The following ST7 variants were observed in gnomAD, a reference collection of about 807,000 sequenced individuals.
The protein encoded by ST7 is suppressor of tumorigenicity 7 protein.
ST7 carries 28 observed loss-of-function variants against 78.7 expected under a neutral mutation model. The observed-to-expected ratio is 0.36, with a 90% CI of 0.26 to 0.49. The LOEUF is 0.49. ST7 is among the 20% of genes least tolerant of loss of function. ST7 has a pLI of 0.99. For synonymous variants in ST7, 247 were observed against 249.6 expected (o/e 0.99, Z 0.10); for missense variants, 418 against 696.0 (o/e 0.60, Z 4.49).
At chr7:116,972,764 C>T (rs1426868834) in intron 1 of ST7, 2 of 928,484 alleles carry the variant, frequency 2.2e-6, no homozygotes, top group Non-Finnish European at 3.6e-6. Flanking sequence ...TTCAAGGAGG[C>T]CACCTCAGCC....
intron 1 of ST7, chr7:116,967,172 C>T (rs1418691525): frequency 8.7e-5 from 20 of 228,938 alleles, no homozygotes; most frequent in South Asian, 1.6e-4. Context: ...ACCTGGGTTT[C>T]TCAAGCAATG....
chr7:117,119,537 AAC>A, intron 2 of ST7, 22 bp from the exon 3 acceptor site: 3 of 1,602,076 alleles, frequency 1.9e-6, no homozygotes, highest in Non-Finnish European at 2.6e-6. Flanking sequence ...AGTGACCATA[AAC>A]ACGCTTATTT....
chr7:117,166,717 A>G (rs557482466), intron 9 of ST7, among the ~76,000 whole-genome samples: 41 of 152,004 alleles, frequency 2.7e-4, no homozygotes, highest in Non-Finnish European at 5.6e-4. Context: ...GTGAAACCCC[A>G]TCTCTACTAA....
chr7:117,055,730 T>C (rs1798029544), intron 1 of ST7, among the ~76,000 whole-genome samples: 1 of 152,250 alleles, frequency 6.6e-6, no homozygotes, highest in Non-Finnish European at 1.5e-5. Context: ...TCCCCCTTTC[T>C]GGTACTATTG....
chr7:117,159,701 G>T (rs900983639), intron 9 of ST7, among the ~76,000 whole-genome samples: 1 of 152,104 alleles, frequency 6.6e-6, no homozygotes, highest in African/African-American at 2.4e-5. Flanking sequence ...ATCGAGTTAT[G>T]TTCTATTGTG....
At chr7:117,050,214 CA>C (rs201920808) in intron 1 of ST7, among the ~76,000 whole-genome samples, 382 of 111,818 alleles carry the variant, frequency 3.4e-3, no homozygotes, top group Middle Eastern at 4.8e-3. Flanking sequence ...GACTCCGTCT[CA>C]AAAAAAAAAA....
intron 1 of ST7, among the ~76,000 whole-genome samples, chr7:117,013,829 C>T (rs953225348): frequency 5.1e-4 from 78 of 151,792 alleles, no homozygotes; most frequent in African/African-American, 1.7e-3. Flanking sequence ...TGAGACTCCG[C>T]CAAAAATAAA....
chr7:116,971,407 C>T (rs528261269), intron 1 of ST7, among the ~76,000 whole-genome samples: 1 of 151,956 alleles, frequency 6.6e-6, no homozygotes, highest in South Asian at 2.1e-4. Context: ...AAGTGGTCAC[C>T]TCAACATAAG....
chr7:117,214,039 A>T (rs1037289183), intron 13 of ST7, among the ~76,000 whole-genome samples: 1 of 152,056 alleles, frequency 6.6e-6, no homozygotes, highest in African/African-American at 2.4e-5. Flanking sequence ...TTTAAATGGC[A>T]CATTTTCTGT....
At chr7:117,020,337 C>A (rs1251132514) in intron 1 of ST7, 1 of 466,196 alleles carries the variant, frequency 2.1e-6, no homozygotes, top group Non-Finnish European at 3.8e-6. Flanking sequence ...CGTCGGCCTT[C>A]ATTTGCCTAG....
At chr7:117,108,297 C>A (rs955807124) in intron 2 of ST7, among the ~76,000 whole-genome samples, 1 of 152,084 alleles carries the variant, frequency 6.6e-6, no homozygotes, top group African/African-American at 2.4e-5. Flanking sequence ...TAGTTTCATT[C>A]TTACTCATGT....
chr7:116,984,629 G>A (rs1224694515), intron 1 of ST7, among the ~76,000 whole-genome samples: 1 of 152,080 alleles, frequency 6.6e-6, no homozygotes, highest in Non-Finnish European at 1.5e-5. Flanking sequence ...TAATACGTGA[G>A]GGTCAGTTTT....
intron 1 of ST7, among the ~76,000 whole-genome samples, chr7:117,004,097 A>T (rs1584429409): frequency 6.6e-6 from 1 of 152,322 alleles, no homozygotes; most frequent in East Asian, 1.9e-4. Context: ...ATTGATATGG[A>T]TGAATGCCAA....
chr7:116,989,681 A>T (rs1401171985), intron 1 of ST7, among the ~76,000 whole-genome samples: 5 of 151,696 alleles, frequency 3.3e-5, no homozygotes, highest in Admixed American at 6.6e-5. Context: ...CTCTAAAAAA[A>T]TTTTTTAATT....
intron 9 of ST7, among the ~76,000 whole-genome samples, chr7:117,153,871 G>C (rs1267923173): frequency 6.6e-6 from 1 of 152,140 alleles, no homozygotes; most frequent in Non-Finnish European, 1.5e-5. Flanking sequence ...AAAGAGAGGT[G>C]ATGATACCTA....
intron 2 of ST7, among the ~76,000 whole-genome samples, chr7:117,108,394 C>A (rs567993644): frequency 3.9e-5 from 6 of 152,140 alleles, no homozygotes; most frequent in African/African-American, 1.4e-4. Flanking sequence ...CAAGATCAGT[C>A]GACTGTAAGT....
intron 1 of ST7, among the ~76,000 whole-genome samples, chr7:117,093,390 A>G (rs1271320789): frequency 6.6e-6 from 1 of 152,168 alleles, no homozygotes; most frequent in African/African-American, 2.4e-5. Context: ...CCTGCATTCT[A>G]CAACTATAGT....
At chr7:117,209,267 C>G (rs571004847) in intron 12 of ST7, among the ~76,000 whole-genome samples, 1 of 152,282 alleles carries the variant, frequency 6.6e-6, no homozygotes, top group African/African-American at 2.4e-5. Context: ...TTCCCATGCT[C>G]TGGCTGCCAC....
intron 5 of ST7, among the ~76,000 whole-genome samples, chr7:117,131,504 G>A (rs775548312): frequency 6.6e-6 from 1 of 151,732 alleles, no homozygotes; most frequent in Non-Finnish European, 1.5e-5. Flanking sequence ...TAAGTGCTTC[G>A]GAAAATGACC....
Sources: allele counts gnomAD v4.1 joint callset (sites outside exome capture counted in the v4.1 genomes callset), GRCh38; gene constraint gnomAD v4.1.1; transcripts MANE v1.5; gene names NCBI Gene and HGNC (gene_info 2026-07-23, HGNC 2026-07-21).